Variants in ABAT observed in about 807,000 individuals in gnomAD.
ABAT encodes the protein 4-aminobutyrate aminotransferase, mitochondrial.
ABAT carries 45 observed loss-of-function variants against 64.6 expected under a neutral mutation model. The observed-to-expected ratio is 0.70, with a 90% CI of 0.55 to 0.89. The LOEUF (loss-of-function observed/expected upper bound fraction) is 0.89. ABAT is among the 40% of genes least tolerant of loss of function. The pLI is 0.00. For synonymous variants in ABAT, 297 were observed against 250.5 expected, an observed-to-expected ratio of 1.19 and a Z score of -1.75; for missense variants, 633 against 658.4, an observed-to-expected ratio of 0.96 and a Z score of 0.42.
chr16:8,747,226 A>G lies in ABAT; in HGVS notation c.169-882A>G, dbSNP rs1010766530. Among the ~76,000 whole-genome samples, 4 of 152,238 alleles carry G rather than the reference A, an allele frequency of 2.6e-5. No homozygotes were observed. In the East Asian group the frequency reaches 5.8e-4, roughly 22 times the overall value. On this transcript the variant is annotated intron_variant, in intron 3 of 15. Transcript: ENST00000268251. Reference sequence around the variant, plus strand: ...CAGTGAAAGAACATGGCAATGTTACATGGCACAGGGCTCAGAGATCAAATG... The same window carrying G: ...CAGTGAAAGAACATGGCAATGTTACGTGGCACAGGGCTCAGAGATCAAATG...
intron 1 of ABAT, chr16:8,683,562 AAGAGAG>A (rs1363519070): frequency 6.7e-6 from 1 of 150,040 alleles, no homozygotes; most frequent in South Asian, 2.1e-4. Context: ...AAAAAAAAAA[AAGAGAG>A]AGAGAGAGAG....
chr16:8,774,300 G>A (rs1042944183), intron 12 of ABAT, among the ~76,000 whole-genome samples: 3 of 152,026 alleles, frequency 2.0e-5, no homozygotes, highest in African/African-American at 4.8e-5. Flanking sequence ...TCTGTATCTC[G>A]GCTATTGTGA....
intron 2 of ABAT, among the ~76,000 whole-genome samples, chr16:8,740,239 C>T (rs1324712049): frequency 6.6e-6 from 1 of 152,116 alleles, no homozygotes; most frequent in Non-Finnish European, 1.5e-5. Context: ...TAACACATAC[C>T]TCCAGATTTA....
chr16:8,746,422 G>A (rs1039302294), intron 3 of ABAT, among the ~76,000 whole-genome samples: 7 of 151,892 alleles, frequency 4.6e-5, no homozygotes, highest in East Asian at 2.0e-4. Flanking sequence ...GAGTGATGGC[G>A]GTTGCCTGTA....
At chr16:8,682,255 G>A (rs1417509380) in intron 1 of ABAT, among the ~76,000 whole-genome samples, 2 of 151,080 alleles carry the variant, frequency 1.3e-5, no homozygotes, top group African/African-American at 4.9e-5. Context: ...GTATTTGTTG[G>A]ATGTTGGATG....
chr16:8,757,483 A>G (rs1012014040), intron 5 of ABAT, among the ~76,000 whole-genome samples: 1 of 152,064 alleles, frequency 6.6e-6, no homozygotes, highest in Non-Finnish European at 1.5e-5. Context: ...ATCTCACCTT[A>G]TGTTTATGTA....
chr16:8,763,303 A>C (rs1423952380), intron 6 of ABAT, among the ~76,000 whole-genome samples: 1 of 152,130 alleles, frequency 6.6e-6, no homozygotes, highest in African/African-American at 2.4e-5. Flanking sequence ...TCTGGTCCTC[A>C]GTTCCCCCAA....
chr16:8,772,649 T>A (rs1596470183), intron 11 of ABAT, 131 bp from the exon 12 acceptor site: 1 of 1,287,426 alleles, frequency 7.8e-7, no homozygotes, highest in East Asian at 2.3e-5. Flanking sequence ...GAGGCTTCAC[T>A]GGTCTTAGGA....
chr16:8,737,992 G>GAAAGAAAGAAAGAAAGAAAGAA (rs2059020914), intron 2 of ABAT, among the ~76,000 whole-genome samples: 1 of 66,934 alleles, frequency 1.5e-5, no homozygotes, highest in African/African-American at 7.3e-5. Context: ...AAGGAAGGAG[G>GAAAGAAAGAAAGAAAGAAAGAA]AAAGAAAGAA....
intron 1 of ABAT, among the ~76,000 whole-genome samples, chr16:8,681,260 G>A (rs910502218): frequency 3.3e-5 from 5 of 151,930 alleles, no homozygotes; most frequent in Non-Finnish European, 7.4e-5. Flanking sequence ...CAAAGTGCTG[G>A]GATTACAAGT....
intron 9 of ABAT, 90 bp downstream of exon 9, chr16:8,766,360 T>C: frequency 1.5e-6 from 2 of 1,336,650 alleles, no homozygotes; most frequent in South Asian, 1.2e-5. Flanking sequence ...CTGTCCTCAA[T>C]TAGGAAGGGC....
At chr16:8,682,965 C>T (rs1254400128) in intron 1 of ABAT, among the ~76,000 whole-genome samples, 1 of 152,198 alleles carries the variant, frequency 6.6e-6, no homozygotes, top group African/African-American at 2.4e-5. Context: ...AAACCCCACA[C>T]TCAGAGCTAA....
intron 1 of ABAT, among the ~76,000 whole-genome samples, chr16:8,734,403 AT>A (rs1369157325): frequency 6.7e-6 from 1 of 148,294 alleles, no homozygotes; most frequent in Non-Finnish European, 1.5e-5. Flanking sequence ...TTGTTGCAAA[AT>A]AAATAGAGGG....
chr16:8,771,464 C>CTTTTTTT (rs1207440161), intron 11 of ABAT, among the ~76,000 whole-genome samples: 7,292 of 106,852 alleles, frequency 0.068, 433 homozygotes, highest in African/African-American at 0.13. Context: ...TAGGGTTTTT[C>CTTTTTTT]TTTCTTTTTT....
At chr16:8,778,673 G>A (rs188593850) in intron 14 of ABAT, among the ~76,000 whole-genome samples, 2 of 151,894 alleles carry the variant, frequency 1.3e-5, no homozygotes, top group South Asian at 2.1e-4. Flanking sequence ...AGGTATTTAG[G>A]AGGCTGAAGC....
chr16:8,767,489 G>C (rs190792443), intron 9 of ABAT, among the ~76,000 whole-genome samples: 21 of 152,282 alleles, frequency 1.4e-4, no homozygotes, highest in African/African-American at 5.1e-4. Flanking sequence ...CCAGGGGATG[G>C]GGAGGAAGTT....
intron 1 of ABAT, among the ~76,000 whole-genome samples, chr16:8,679,485 A>T (rs1730953): frequency 0.59 from 88,414 of 149,204 alleles, 26,631 homozygotes; most frequent in East Asian, 0.76. Context: ...CATTTCTCTA[A>T]CTTTAAAATA....
chr16:8,773,036 GCTGT>G (rs1323247745), intron 12 of ABAT, 119 bp downstream of exon 12: 219 of 1,355,346 alleles, frequency 1.6e-4, no homozygotes, highest in Admixed American at 2.8e-4. Flanking sequence ...ACTTGCAGAG[GCTGT>G]CTGTCAGCAT....
In ABAT at chr16:8,764,561, C is replaced by T. The variant is rs1231810628; in HGVS notation, c.448-177C>T. Among the ~76,000 whole-genome samples, 1 of 152,186 alleles carries T rather than the reference C, an allele frequency of 6.6e-6. No homozygotes were observed. Among genetic ancestry groups the T allele is most frequent in the Non-Finnish European group, 1.5e-5 (1 of 68,038 alleles). On this transcript the variant is annotated intron_variant, in intron 7 of 15. Coordinates refer to ENST00000268251, the MANE Select transcript of ABAT (RefSeq NM_020686.6). The surrounding 1 kb of genome is among the most constrained non-coding windows in gnomAD (Gnocchi z 4.2). The stretch of plus-strand genomic sequence containing the variant: ...CTGCCAGCCTCAGGGCCTCCCTGGG[C>T]TTCTCCGCCACCCCTGGAAAAGCCT...
Sources: gnomAD v4.1 joint callset for allele counts (sites outside exome capture counted in the v4.1 genomes callset) on GRCh38, gnomAD v4.1.1 for gene constraint, Gnocchi (gnomAD v3.1) non-coding constraint, MANE v1.5 for transcripts, NCBI Gene and HGNC (gene_info 2026-07-23, HGNC 2026-07-21) for gene names.